DIAPH1: variants seen among roughly 807,000 people sequenced by gnomAD.
The protein encoded by DIAPH1 is protein diaphanous homolog 1.
A neutral mutation model predicts 140.7 loss-of-function variants in DIAPH1; 46 were observed. The observed-to-expected ratio is 0.33, with a 90% CI of 0.26 to 0.42. The LOEUF is 0.42. Among genes scored for constraint, DIAPH1 ranks in the 10% least tolerant of loss-of-function variants. DIAPH1 has a pLI of 1.00. For synonymous variants in DIAPH1, 565 were observed against 551.6 expected, an observed-to-expected ratio of 1.02 and a Z score of -0.34; for missense variants, 1,310 against 1,558.7, an observed-to-expected ratio of 0.84 and a Z score of 2.69.
chr5:141,531,349 G>A (rs2099888204), intron 19 of DIAPH1, among the ~76,000 whole-genome samples: 1 of 147,666 alleles, frequency 6.8e-6, no homozygotes, highest in Non-Finnish European at 1.5e-5. Flanking sequence ...TCACTCTGTT[G>A]CCCAAGCTAG....
chr5:141,574,200 C>T lies in DIAPH1; in HGVS notation c.1650G>A (p.Lys550=), dbSNP rs143911337. 22 of 1,614,120 alleles carry T rather than the reference C, an allele frequency of 1.4e-5. No homozygotes were observed. In the East Asian group the frequency reaches 4.7e-4, roughly 34 times the overall value. The change falls in exon 16 of 28, where the codon AAG becomes AAA. Residue 550 remains lysine, a synonymous_variant. Coordinates refer to ENST00000389054, the MANE Select transcript of DIAPH1 (RefSeq NM_005219.5). ...EVSQLTGEVA[K]LTKELEDAKK... is the part of the protein sequence containing the mutation. The stretch of plus-strand genomic sequence containing the variant: ...TGGCATCTTCCAGTTCCTTTGTCAG[C>T]TTGGCAACCTACAGAAATAACATCA...
At chr5:141,522,078 T>C (rs1352288576) in intron 27 of DIAPH1, among the ~76,000 whole-genome samples, 1 of 152,236 alleles carries the variant, frequency 6.6e-6, no homozygotes, top group Non-Finnish European at 1.5e-5. Flanking sequence ...TCCTGTTTAA[T>C]GTGAGACCGC....
chr5:141,529,829 A>C, intron 19 of DIAPH1, 132 bp from the exon 20 acceptor site: 2 of 782,756 alleles, frequency 2.6e-6, no homozygotes, highest in Non-Finnish European at 4.4e-6. Flanking sequence ...CATGCCTGTA[A>C]TCCCAGCACT....
At position 141,587,192 on chromosome 5, in the gene DIAPH1, C is replaced by G; in HGVS notation, c.150G>C (p.Glu50Asp). The G allele has an allele frequency of 6.2e-7, 1 of 1,613,950 alleles. No homozygotes were observed. Among genetic ancestry groups the G allele is most frequent in the Non-Finnish European group, 8.5e-7 (1 of 1,179,972 alleles). Residue 50 changes from glutamate (E) to aspartate (D), a missense_variant, in exon 3 of 28, where the codon GAG becomes GAC. By Grantham distance (45) the Glu-to-Asp change is conservative. Around this residue, in one of 3 missense-constraint regions of DIAPH1, gnomAD observed 377 missense variants for 497.1 expected, o/e 0.76. Transcript: ENST00000389054. ...TCTTAATTCTCATGCTGGTAAATCT[C>G]TCCAGCTGAGAAACAGAAAAAAGCA... is the stretch of plus-strand genomic sequence containing the variant. ...TLKRLMADEL[E>D]RFTSMRIKKE...
chr5:141,598,295 A>G (rs570688454), intron 1 of DIAPH1, among the ~76,000 whole-genome samples: 1 of 152,318 alleles, frequency 6.6e-6, no homozygotes, highest in Non-Finnish European at 1.5e-5. Flanking sequence ...ATTCTATAGG[A>G]GTTTTTATGC....
intron 1 of DIAPH1, among the ~76,000 whole-genome samples, chr5:141,616,997 T>C (rs987741313): frequency 6.6e-6 from 1 of 152,186 alleles, no homozygotes; most frequent in Non-Finnish European, 1.5e-5. Context: ...CGTGAAATAA[T>C]TGTTAGATAA....
intron 18 of DIAPH1, among the ~76,000 whole-genome samples, chr5:141,550,803 CA>C (rs1331969979): frequency 3.4e-4 from 52 of 152,238 alleles, no homozygotes; most frequent in Admixed American, 3.3e-3. Context: ...ACAGTCATTT[CA>C]AACCTGCTTG....
intron 1 of DIAPH1, among the ~76,000 whole-genome samples, chr5:141,591,570 C>T (rs2099898411): frequency 6.6e-6 from 1 of 150,634 alleles, no homozygotes; most frequent in Admixed American, 6.6e-5. Flanking sequence ...GAGTTGGATA[C>T]AGAACTCAGG....
At chr5:141,540,564 G>A (rs1364254783) in intron 18 of DIAPH1, among the ~76,000 whole-genome samples, 1 of 151,706 alleles carries the variant, frequency 6.6e-6, no homozygotes, top group Non-Finnish European at 1.5e-5. Flanking sequence ...ACAGGCGTGA[G>A]CCACCACACC....
At chr5:141,561,569 CTG>C (rs901887962) in intron 18 of DIAPH1, among the ~76,000 whole-genome samples, 9 of 151,962 alleles carry the variant, frequency 5.9e-5, no homozygotes, top group African/African-American at 1.7e-4. Flanking sequence ...CTTTTTAACC[CTG>C]TGTCTTTTTC....
rs1255528988 is a variant in DIAPH1, at chr5:141,577,662, C to T, written c.1164-71G>A. 8.2e-6 allele frequency: 8 copies of T among 978,196 alleles called. No homozygotes were observed. In the Admixed American group the frequency reaches 1.4e-4, roughly 17 times the overall value. The allele number at this position is 978,196 out of a possible 1,614,324, so 60.6% of individuals were successfully genotyped here. A position where few individuals can be genotyped will look rare whatever the true frequency, so the allele number is the denominator to read the frequency against. On this transcript the variant is annotated intron_variant, in intron 11 of 27. Transcript: ENST00000389054. ...TGTTTGACAGGTGGCTTATTTAACT[C>T]TTGAAAAAGCTAGGGAAAAGTAGCA...
Position 141,534,365 on chromosome 5 carries a change from C to T in DIAPH1, c.2551G>A (p.Val851Met), listed in dbSNP as rs1322283707. ...TTCTGGGCTGTCTTTGAATCCAACACCTTTAACTCTTTTACTTTTTTCTTT... is the reference window on the plus strand; with the variant it reads ...TTCTGGGCTGTCTTTGAATCCAACATCTTTAACTCTTTTACTTTTTTCTTT... ...VQKKKVKELK[V>M]LDSKTAQNLS... is the part of the protein sequence containing the mutation. Residue 851 changes from valine (V) to methionine (M), a missense_variant, in exon 19 of 28, where the codon GTG becomes ATG. Around this residue, in one of 3 missense-constraint regions of DIAPH1, gnomAD observed 589 missense variants for 549.3 expected, o/e 1.07. Coordinates refer to ENST00000389054, the MANE Select transcript of DIAPH1 (RefSeq NM_005219.5). 6.2e-7 allele frequency: 1 copy of T among 1,613,826 alleles called. No individual in the cohort carries two copies. Among genetic ancestry groups the T allele is most frequent in the East Asian group, 2.2e-5 (1 of 44,874 alleles).
At position 141,571,037 on chromosome 5, in the gene DIAPH1, G is replaced by T. The variant is rs140742133; in HGVS notation, c.2482+391C>A. Among the ~76,000 whole-genome samples, 275 of 152,272 alleles carry T rather than the reference G, an allele frequency of 1.8e-3. 1 individual carries two copies. The highest frequency in any genetic ancestry group is 6.2e-3 in the African/African-American group (257 of 41,546). ...ACCTAACTGTTCAGAGTCTATATAT[G>T]CTACAGAATGGAGATGATACACATC... On this transcript the variant is annotated intron_variant, in intron 18 of 27. Transcript: ENST00000389054.
chr5:141,544,112 C>A (rs1484811050), intron 18 of DIAPH1, among the ~76,000 whole-genome samples: 1 of 152,076 alleles, frequency 6.6e-6, no homozygotes, highest in Non-Finnish European at 1.5e-5. Context: ...AGATCGAGAC[C>A]ATCCTGGCTA....
At chr5:141,583,638 G>A in intron 4 of DIAPH1, 23 bp from the exon 5 acceptor site, 2 of 1,614,074 alleles carry the variant, frequency 1.2e-6, no homozygotes, top group Non-Finnish European at 1.7e-6. Flanking sequence ...CATAGACAGA[G>A]ATTAGTAATG....
chr5:141,587,068 C>T lies in DIAPH1; in HGVS notation c.274G>A (p.Val92Met). The T allele has an allele frequency of 6.2e-7, 1 of 1,614,170 alleles. No individual in the cohort carries two copies. The highest frequency in any genetic ancestry group is 8.5e-7 in the Non-Finnish European group (1 of 1,180,008). Reference protein sequence around the residue: ...QSLQDVSDEQVLVLFEQMLLD... With the variant: ...QSLQDVSDEQMLVLFEQMLLD... ...AGCATCTGTTCAAAGAGAACCAGCACTTGTTCATCTGAAACATCTTGCAAT... is the reference window on the plus strand; with the variant it reads ...AGCATCTGTTCAAAGAGAACCAGCATTTGTTCATCTGAAACATCTTGCAAT... The change falls in exon 3 of 28, where the codon GTG (valine) becomes ATG (methionine). Residue 92 changes from valine (V) to methionine (M), a missense_variant. By Grantham distance (21) the Val-to-Met change is conservative. Transcript: ENST00000389054.
chr5:141,519,892 A>G (rs965525140), intron 27 of DIAPH1, among the ~76,000 whole-genome samples: 1 of 152,174 alleles, frequency 6.6e-6, no homozygotes, highest in Non-Finnish European at 1.5e-5. Flanking sequence ...ATAGAACCAG[A>G]TAAATATTTT....
At position 141,565,748 on chromosome 5, in the gene DIAPH1, G is replaced by C. The variant is rs1487780525; in HGVS notation, c.2482+5680C>G. ...TGAATTTGTAATGCTTCAAATATGAGTGCCTGGCAGTATCAAGGGCCAAGC... is the reference window on the plus strand; with the variant it reads ...TGAATTTGTAATGCTTCAAATATGACTGCCTGGCAGTATCAAGGGCCAAGC... On this transcript the variant is annotated intron_variant, in intron 18 of 27. Transcript: ENST00000389054. The surrounding 1 kb of genome is among the most constrained non-coding windows in gnomAD (Gnocchi z 4.3). Among the ~76,000 whole-genome samples, 1 of 152,216 alleles carries C rather than the reference G, an allele frequency of 6.6e-6. No individual in the cohort carries two copies. The highest frequency in any genetic ancestry group is 1.5e-5 in the Non-Finnish European group (1 of 68,048).
chr5:141,537,509 A>G lies in DIAPH1; in HGVS notation c.2483-3076T>C, dbSNP rs943990942. On this transcript the variant is annotated intron_variant, in intron 18 of 27. Transcript: ENST00000389054. ...AAAAAAAAAAAAAAAAAAAAAAAAA[A>G]GGGATGAAAATGTCATTTTTGTGGA... 1.4e-3 allele frequency among the ~76,000 whole-genome samples: 200 copies of G among 146,194 alleles called. 1 individual carries two copies. The highest frequency in any genetic ancestry group is 4.8e-3 in the African/African-American group (192 of 40,050).
Sources: allele counts gnomAD v4.1 joint callset (sites outside exome capture counted in the v4.1 genomes callset), GRCh38; gene constraint gnomAD v4.1.1; regional missense constraint gnomAD v4.1.1; non-coding constraint Gnocchi (gnomAD v3.1); transcripts MANE v1.5; gene names NCBI Gene and HGNC (gene_info 2026-07-23, HGNC 2026-07-21).